Variants in SV2C observed in about 807,000 individuals in gnomAD.
SV2C encodes the protein synaptic vesicle glycoprotein 2C, also known as solute carrier family 22 member B3.
SV2C carries 49 observed loss-of-function variants against 79.7 expected under a neutral mutation model. That is an observed-to-expected ratio of 0.61 (90% CI 0.49 to 0.78). The LOEUF is 0.78. Ranked by LOEUF, SV2C falls within the 30% of genes least tolerant of loss-of-function variation. The probability of loss-of-function intolerance (pLI) is 0.00; values close to 1 mark genes in which losing one functional copy is unlikely to be tolerated. For synonymous variants in SV2C, 334 were observed against 333.2 expected (o/e 1.00, Z -0.03); for missense variants, 833 against 912.9 (o/e 0.91, Z 1.13).
chr5:75,901,318 C>T, the SV2C span, among the ~76,000 whole-genome samples: 1 of 152,198 alleles, frequency 6.6e-6, no homozygotes, highest in Non-Finnish European at 1.5e-5. Flanking sequence ...GGACCCTGAG[C>T]TGCAGGTCTG....
At chr5:76,042,876 C>T in the SV2C span, among the ~76,000 whole-genome samples, 3 of 152,156 alleles carry the variant, frequency 2.0e-5, no homozygotes, top group African/African-American at 7.2e-5. Context: ...TGCAGCTGAC[C>T]TCTCTGATCC....
chr5:76,029,432 C>T, the SV2C span, among the ~76,000 whole-genome samples: 1 of 152,282 alleles, frequency 6.6e-6, no homozygotes, highest in Admixed American at 6.5e-5. Flanking sequence ...CACAGATTCT[C>T]AATCCCACTC....
Position 76,087,677 on chromosome 5 carries a change from G to A in SV2C, c.-102+4165G>A, listed in dbSNP as rs574266246. Among the ~76,000 whole-genome samples the A allele has an allele frequency of 8.5e-5, 13 of 152,280 alleles. No homozygotes were observed. The South Asian group carries it at 2.3e-3, about 27-fold the overall frequency. ...CCAAGTGAGTCGGATGTTATCATTA[G>A]GGGAACCACATATGCAGATGCATTT... On this transcript the variant is annotated intron_variant, in intron 1 of 12. Transcript: ENST00000502798.
chr5:76,268,179 G>A (rs1474590587), intron 4 of SV2C, among the ~76,000 whole-genome samples: 1 of 152,126 alleles, frequency 6.6e-6, no homozygotes, highest in Admixed American at 6.5e-5. Context: ...GTATTTGGAA[G>A]GTAGACAGAA....
the SV2C span, among the ~76,000 whole-genome samples, chr5:75,994,060 A>T: frequency 2.6e-5 from 4 of 152,244 alleles, no homozygotes; most frequent in East Asian, 5.8e-4. Flanking sequence ...AAAGTGATTT[A>T]TAAGGCTGAC....
At chr5:75,885,267 CATA>C in the SV2C span, among the ~76,000 whole-genome samples, 1 of 152,076 alleles carries the variant, frequency 6.6e-6, no homozygotes, top group East Asian at 1.9e-4. Context: ...TCAACTATAA[CATA>C]ATATTTTATT....
At chr5:76,079,831 T>C (rs1746955937), upstream of SV2C, 2 of 168,518 alleles carry the variant, frequency 1.2e-5, no homozygotes, top group Non-Finnish European at 2.7e-5. Context: ...ATGCTGTACA[T>C]GACATTGAAA....
At chr5:76,296,585 A>G (rs1216986661) in intron 9 of SV2C, among the ~76,000 whole-genome samples, 1 of 152,182 alleles carries the variant, frequency 6.6e-6, no homozygotes, top group Non-Finnish European at 1.5e-5. Flanking sequence ...TAGACCAAGT[A>G]CTTGTTTATA....
upstream of SV2C, chr5:76,079,842 C>T (rs1339427226): frequency 6.2e-6 from 1 of 161,102 alleles, no homozygotes; most frequent in Non-Finnish European, 1.4e-5. Flanking sequence ...GACATTGAAA[C>T]AAGTCAGGCA....
At chr5:76,280,365 T>G (rs1330029691) in intron 4 of SV2C, among the ~76,000 whole-genome samples, 2 of 151,982 alleles carry the variant, frequency 1.3e-5, no homozygotes, top group Non-Finnish European at 2.9e-5. Flanking sequence ...AATGGAAGAA[T>G]CTACACCTGA....
chr5:76,009,254 A>C, the SV2C span, among the ~76,000 whole-genome samples: 3 of 152,216 alleles, frequency 2.0e-5, no homozygotes, highest in African/African-American at 7.2e-5. Context: ...TAAAAAGTCT[A>C]AAAACAACAG....
In SV2C at chr5:76,301,369, G is replaced by A. The variant is rs191653797; in HGVS notation, c.1841-17G>A. The A allele has an allele frequency of 8.7e-6, 14 of 1,613,220 alleles. No individual in the cohort carries two copies. In the Admixed American group the frequency reaches 2.2e-4, roughly 25 times the overall value. ...ATGACAGGAAACATTCCAGCCTTTTGTCTGCATTGTTGGCAGGTGGCTCTA... is the reference window on the plus strand; with the variant it reads ...ATGACAGGAAACATTCCAGCCTTTTATCTGCATTGTTGGCAGGTGGCTCTA... On this transcript the variant is annotated splice_polypyrimidine_tract_variant and intron_variant, in intron 11 of 12. Transcript: ENST00000502798.
intron 2 of SV2C, among the ~76,000 whole-genome samples, chr5:76,145,835 G>T (rs13170038): frequency 1.3e-5 from 2 of 152,106 alleles, no homozygotes; most frequent in African/African-American, 4.8e-5. Flanking sequence ...GGGAGAGATT[G>T]GGGGAACACA....
chr5:75,896,445 TC>T, the SV2C span, among the ~76,000 whole-genome samples: 6 of 138,048 alleles, frequency 4.3e-5, no homozygotes, highest in Non-Finnish European at 8.9e-5. Flanking sequence ...TGCCACATTT[TC>T]TTAATCCAGT....
the SV2C span, among the ~76,000 whole-genome samples, chr5:75,897,112 C>A: frequency 5.4e-5 from 8 of 149,080 alleles, no homozygotes; most frequent in Admixed American, 2.6e-4. Context: ...GTTGCCATTG[C>A]TTTTGGTGTT....
the SV2C span, among the ~76,000 whole-genome samples, chr5:75,915,202 G>A: frequency 3.3e-5 from 5 of 152,136 alleles, no homozygotes; most frequent in African/African-American, 4.8e-5. Flanking sequence ...TGAACATACT[G>A]AGGCATAGAG....
chr5:76,266,192 T>C (rs938837000), intron 4 of SV2C, among the ~76,000 whole-genome samples: 1 of 152,086 alleles, frequency 6.6e-6, no homozygotes, highest in African/African-American at 2.4e-5. Context: ...CCACAGATTG[T>C]AGTTTATCCT....
At chr5:76,308,317 T>C (rs1023167537) in intron 12 of SV2C, among the ~76,000 whole-genome samples, 6 of 152,288 alleles carry the variant, frequency 3.9e-5, no homozygotes, top group Admixed American at 3.3e-4. Context: ...TTCCTGATCA[T>C]GGATACCATG....
chr5:76,128,441 A>T (rs955908431), intron 1 of SV2C, among the ~76,000 whole-genome samples: 4 of 152,214 alleles, frequency 2.6e-5, no homozygotes, highest in Admixed American at 1.3e-4. Context: ...TGGAATGACT[A>T]GGAAGAAGGC....
Sources: allele counts gnomAD v4.1 joint callset (sites outside exome capture counted in the v4.1 genomes callset), GRCh38; gene constraint gnomAD v4.1.1; transcripts MANE v1.5; gene names NCBI Gene and HGNC (gene_info 2026-07-23, HGNC 2026-07-21).